CAGE1: variants seen among roughly 807,000 people sequenced by gnomAD.
CAGE1 encodes cancer-associated gene 1 protein.
CAGE1 carries 66 observed loss-of-function variants against 94.9 expected under a neutral mutation model. The observed-to-expected ratio is 0.70, with a 90% CI of 0.57 to 0.85. The LOEUF (loss-of-function observed/expected upper bound fraction) is 0.85. CAGE1 is among the 40% of genes least tolerant of loss of function. The pLI is 0.00. For missense variants in CAGE1, 865 were observed against 950.4 expected (o/e 0.91, Z 1.18); for synonymous variants, 319 against 321.0 (o/e 0.99, Z 0.07).
chr6:7,341,826 A>G, intron 11 of CAGE1: 1 of 679,196 alleles, frequency 1.5e-6, no homozygotes, highest in Admixed American at 1.8e-5. Flanking sequence ...CAAGTCGGGC[A>G]GGTGCCTTGC....
intron 13 of CAGE1, among the ~76,000 whole-genome samples, chr6:7,329,544 GA>G (rs746856729): frequency 6.6e-6 from 1 of 152,194 alleles, no homozygotes; most frequent in Non-Finnish European, 1.5e-5. Context: ...GCATGAAGGG[GA>G]CCAAAACTGG....
intron 3 of CAGE1, among the ~76,000 whole-genome samples, chr6:7,380,807 GTTTCCT>G (rs1278372677): frequency 6.6e-6 from 1 of 152,066 alleles, no homozygotes; most frequent in Non-Finnish European, 1.5e-5. Flanking sequence ...CAGTGAACAT[GTTTCCT>G]TCTATGCCAA....
chr6:7,347,274 C>T (rs1272070263), intron 11 of CAGE1: 1 of 152,196 alleles, frequency 6.6e-6, no homozygotes, highest in Non-Finnish European at 1.5e-5. Flanking sequence ...TGTGAGGGCC[C>T]AAACTGCAGA....
rs1760644420 is a variant in CAGE1, at chr6:7,373,935, C to CT, written c.883dup (p.Ser295LysfsTer13). The CT allele has an allele frequency of 1.2e-6, 2 of 1,613,930 alleles. No homozygotes were observed. Among genetic ancestry groups the CT allele is most frequent in the African/African-American group, 1.3e-5 (1 of 74,936 alleles). On this transcript the variant is annotated frameshift_variant, in exon 5 of 14. Transcript: ENST00000502583. LOFTEE classifies it high-confidence loss of function. The stretch of plus-strand genomic sequence containing the variant: ...CATGTCCTCTTGAACAGGTTGTAAG[C>CT]TTTCAGCACTTTGCTCCCAGTCAGG...
chr6:7,331,350 G>T, intron 12 of CAGE1: 1 of 1,045,194 alleles, frequency 9.6e-7, no homozygotes, highest in Non-Finnish European at 1.4e-6. Context: ...TCTGGACAAG[G>T]CAAATCCCAG....
chr6:7,369,357 C>T (rs1226947159), intron 6 of CAGE1, among the ~76,000 whole-genome samples: 1 of 145,334 alleles, frequency 6.9e-6, no homozygotes, highest in Non-Finnish European at 1.5e-5. Context: ...CTTATAAGCT[C>T]CCAGGACAGA....
At chr6:7,342,838 T>G (rs1460415465) in intron 11 of CAGE1, among the ~76,000 whole-genome samples, 3 of 152,206 alleles carry the variant, frequency 2.0e-5, no homozygotes, top group African/African-American at 7.2e-5. Flanking sequence ...AGTTGAGAGA[T>G]GAGGATCCAG....
Position 7,381,618 on chromosome 6 carries a change from T to TC in CAGE1, c.284-2599dup, listed in dbSNP as rs1179293618. ...ATCTCGGCTCATTGCAACCTCCACC[T>TC]CCTGGGTTCAAGCAATTCTCATGCC... On this transcript the variant is annotated intron_variant, in intron 3 of 13. Coordinates refer to ENST00000502583, the MANE Select transcript of CAGE1 (RefSeq NM_001170692.2). 2.0e-5 allele frequency among the ~76,000 whole-genome samples: 3 copies of TC among 148,958 alleles called. 1 individual carries two copies. The highest frequency in any genetic ancestry group is 7.4e-5 in the African/African-American group (3 of 40,468).
At chr6:7,376,221 C>G (rs1760737476) in intron 4 of CAGE1, among the ~76,000 whole-genome samples, 2 of 151,504 alleles carry the variant, frequency 1.3e-5, no homozygotes, top group African/African-American at 4.9e-5. Flanking sequence ...AACCCTGTCT[C>G]TACTAAAAAT....
Position 7,389,713 on chromosome 6 carries a change from CCCTATA to C in CAGE1, c.-541_-536del. The stretch of plus-strand genomic sequence containing the variant: ...TCCTGAGAGCACAGAACATCCACAG[CCCTATA>C]CAGCGCGCCATCCAGAGAGCTCCGG... On this transcript the variant is annotated 5_prime_UTR_variant, in exon 1 of 14. Coordinates refer to ENST00000502583, the MANE Select transcript of CAGE1 (RefSeq NM_001170692.2). 3.7e-6 allele frequency: 2 copies of C among 539,252 alleles called. No homozygotes were observed. Among genetic ancestry groups the C allele is most frequent in the East Asian group, 6.5e-5 (2 of 30,894 alleles). 33.4% of individuals were successfully genotyped at this position (539,252 alleles called of 1,614,324 possible).
chr6:7,345,392 G>C (rs1759435335), intron 11 of CAGE1, among the ~76,000 whole-genome samples: 1 of 152,130 alleles, frequency 6.6e-6, no homozygotes, highest in Non-Finnish European at 1.5e-5. Flanking sequence ...AACGCCAGAT[G>C]TGCCATCTTA....
intron 4 of CAGE1, among the ~76,000 whole-genome samples, chr6:7,378,311 G>A (rs1327498275): frequency 2.0e-5 from 3 of 152,198 alleles, no homozygotes; most frequent in African/African-American, 4.8e-5. Context: ...ATTTGGTAGA[G>A]CTAATCCTCA....
chr6:7,344,655 C>T (rs933701350), intron 11 of CAGE1, among the ~76,000 whole-genome samples: 20 of 152,228 alleles, frequency 1.3e-4, no homozygotes, highest in Admixed American at 3.9e-4. Flanking sequence ...GTGCCGGATC[C>T]ACTGGGTGAA....
intron 11 of CAGE1, among the ~76,000 whole-genome samples, chr6:7,348,832 T>C (rs1740530677): frequency 6.6e-6 from 1 of 151,762 alleles, no homozygotes; most frequent in African/African-American, 2.4e-5. Context: ...GAAGACAAGG[T>C]CTTTGAATTA....
rs571939600 is a variant in CAGE1 at position 7,372,794 on chromosome 6, G to A, written c.1746+279C>T. Among the ~76,000 whole-genome samples, 7 of 151,962 alleles carry A rather than the reference G, an allele frequency of 4.6e-5. No individual in the cohort carries two copies. The South Asian group carries it at 1.0e-3, about 23-fold the overall frequency. On this transcript the variant is annotated intron_variant, in intron 5 of 13. Transcript: ENST00000502583. ...AGTAATTCCCCCATCTCAACCTCCC[G>A]AATAGATAGGACTATAGGCGCACAC...
intron 11 of CAGE1, among the ~76,000 whole-genome samples, chr6:7,338,193 A>G (rs1759033419): frequency 6.6e-6 from 1 of 152,200 alleles, no homozygotes; most frequent in Non-Finnish European, 1.5e-5. Context: ...GATTCTCTAC[A>G]TAGATGATCA....
chr6:7,374,462 A>G (rs1760665645), intron 4 of CAGE1, among the ~76,000 whole-genome samples: 1 of 152,094 alleles, frequency 6.6e-6, no homozygotes, highest in Non-Finnish European at 1.5e-5. Flanking sequence ...CTCTGAACAC[A>G]TATAAGATGC....
At chr6:7,380,418 C>T (rs1305202448) in intron 3 of CAGE1, among the ~76,000 whole-genome samples, 1 of 152,110 alleles carries the variant, frequency 6.6e-6, no homozygotes, top group Non-Finnish European at 1.5e-5. Flanking sequence ...GGGTGGATCA[C>T]CTGAGGTCAG....
chr6:7,358,027 G>GATATATGTATATATATATAT (rs1760022281), intron 9 of CAGE1, among the ~76,000 whole-genome samples: 1 of 48,076 alleles, frequency 2.1e-5, no homozygotes, highest in Non-Finnish European at 4.3e-5. Flanking sequence ...TAAGTTTTGA[G>GATATATGTATATATATATAT]ATATATATAT....
Sources: gnomAD v4.1 joint callset for allele counts (sites outside exome capture counted in the v4.1 genomes callset) on GRCh38, gnomAD v4.1.1 for gene constraint, MANE v1.5 for transcripts, NCBI Gene and HGNC (gene_info 2026-07-23, HGNC 2026-07-21) for gene names.